Variants in CSMD1 observed in about 807,000 individuals in gnomAD.
The protein encoded by CSMD1 is CUB and sushi domain-containing protein 1.
Under a neutral mutation model 417.5 loss-of-function variants are expected in CSMD1, and 213 were observed. The ratio of observed to expected loss-of-function variants is 0.51; its 90% CI spans 0.46 to 0.57. CSMD1 has a LOEUF of 0.57. Among genes scored for constraint, CSMD1 ranks in the 20% least tolerant of loss-of-function variants. The pLI is 0.00. For missense variants in CSMD1, 6,923 were observed against 4,529.7 expected (o/e 1.53, Z -15.17); for synonymous variants, 2,862 against 1,736.8 (o/e 1.65, Z -16.11).
chr8:4,583,480 C>A (rs1028609945), intron 2 of CSMD1, among the ~76,000 whole-genome samples: 8 of 151,596 alleles, frequency 5.3e-5, no homozygotes, highest in Non-Finnish European at 2.9e-5. Context: ...CTTGGAGAAC[C>A]TTTATGTCTA....
chr8:4,620,441 A>G (rs1801710673), intron 2 of CSMD1, among the ~76,000 whole-genome samples: 2 of 151,650 alleles, frequency 1.3e-5, no homozygotes, highest in Admixed American at 1.3e-4. Context: ...TTTGCTAAAT[A>G]ATCATAGATA....
intron 1 of CSMD1, among the ~76,000 whole-genome samples, chr8:4,739,410 G>C (rs936376003): frequency 6.6e-6 from 1 of 152,096 alleles, no homozygotes; most frequent in African/African-American, 2.4e-5. Context: ...CCTTATATCT[G>C]ATACCTCCCA....
chr8:3,799,453 G>C (rs1385791952), intron 5 of CSMD1, among the ~76,000 whole-genome samples: 1 of 132,444 alleles, frequency 7.6e-6, no homozygotes, highest in East Asian at 2.3e-4. Flanking sequence ...GTGTCCAAGT[G>C]TTCTCACTGT....
intron 10 of CSMD1, among the ~76,000 whole-genome samples, chr8:3,567,907 A>G (rs1429345024): frequency 1.3e-5 from 2 of 152,038 alleles, no homozygotes; most frequent in South Asian, 4.2e-4. Context: ...TCCACACATC[A>G]TCACACACAT....
intron 5 of CSMD1, among the ~76,000 whole-genome samples, chr8:3,887,560 G>T (rs1176905629): frequency 1.3e-5 from 2 of 152,158 alleles, no homozygotes; most frequent in Non-Finnish European, 2.9e-5. Context: ...AATTAAATTA[G>T]AATTCCTGTA....
In CSMD1 at chr8:4,857,897, C is replaced by A. The variant is rs575992290; in HGVS notation, c.85+136435G>T. 2.6e-4 allele frequency among the ~76,000 whole-genome samples: 40 copies of A among 151,478 alleles called. No homozygotes were observed. The South Asian group carries it at 8.1e-3, about 31-fold the overall frequency. On this transcript the variant is annotated intron_variant, in intron 1 of 69. Transcript: ENST00000635120. ...CCAATCAATAGAAAAAGAGGGAATCCTCCCTAACTCATTTTATGAGGCCAG... is the reference window on the plus strand; with the variant it reads ...CCAATCAATAGAAAAAGAGGGAATCATCCCTAACTCATTTTATGAGGCCAG...
At chr8:2,997,853 G>A (rs1449866629) in intron 54 of CSMD1, among the ~76,000 whole-genome samples, 158 bp downstream of exon 54, 2 of 152,198 alleles carry the variant, frequency 1.3e-5, no homozygotes, top group Non-Finnish European at 2.9e-5. Flanking sequence ...GGAGAGCTTT[G>A]TGCTTACTCT....
Position 4,440,016 on chromosome 8 carries a change from C to A in CSMD1, c.303-19951G>T, listed in dbSNP as rs577592428. On this transcript the variant is annotated intron_variant, in intron 2 of 69. Coordinates refer to ENST00000635120, the MANE Select transcript of CSMD1 (RefSeq NM_033225.6). ...CATGGGGGGTATACACTTAATTTTCCTAAGAGTTAAGAAGCTTAATATATC... is the reference window on the plus strand; with the variant it reads ...CATGGGGGGTATACACTTAATTTTCATAAGAGTTAAGAAGCTTAATATATC... Among the ~76,000 whole-genome samples the A allele has an allele frequency of 3.3e-5, 5 of 152,208 alleles. No homozygotes were observed. In the South Asian group the frequency reaches 1.0e-3, roughly 32 times the overall value.
At chr8:4,437,416 T>C (rs539013206) in intron 2 of CSMD1, among the ~76,000 whole-genome samples, 7 of 152,332 alleles carry the variant, frequency 4.6e-5, no homozygotes, top group Admixed American at 3.9e-4. Context: ...GTGAGCCACA[T>C]TTTCTAGTCA....
chr8:4,795,873 G>T (rs1418466138), intron 1 of CSMD1, among the ~76,000 whole-genome samples: 1 of 152,106 alleles, frequency 6.6e-6, no homozygotes. Flanking sequence ...GAACCATGAG[G>T]TGTTGTTCTC....
chr8:4,801,225 G>A (rs17347911), intron 1 of CSMD1, among the ~76,000 whole-genome samples: 4 of 152,112 alleles, frequency 2.6e-5, no homozygotes, highest in Non-Finnish European at 4.4e-5. Context: ...TCTTATTGCG[G>A]CCACCTTGAG....
intron 18 of CSMD1, among the ~76,000 whole-genome samples, chr8:3,379,243 A>C (rs2116762210): frequency 6.6e-6 from 1 of 152,374 alleles, no homozygotes; most frequent in South Asian, 2.1e-4. Context: ...CAAGGAAATA[A>C]GAGAGGACAC....
chr8:4,814,196 TTGTGTG>T (rs35824182), intron 1 of CSMD1, among the ~76,000 whole-genome samples: 13 of 149,808 alleles, frequency 8.7e-5, no homozygotes, highest in African/African-American at 1.7e-4. Context: ...CAGAATGATT[TTGTGTG>T]TGTGTGTGTG....
intron 52 of CSMD1, among the ~76,000 whole-genome samples, chr8:3,012,740 A>T (rs1463258290): frequency 1.3e-5 from 2 of 152,142 alleles, no homozygotes; most frequent in African/African-American, 4.8e-5. Context: ...CACAAATGAA[A>T]GGGGATGTGG....
intron 5 of CSMD1, among the ~76,000 whole-genome samples, chr8:3,904,695 G>T (rs1234733528): frequency 7.0e-6 from 1 of 142,990 alleles, no homozygotes; most frequent in African/African-American, 2.7e-5. Flanking sequence ...GGACTGCAGT[G>T]GTGCTATCTC....
chr8:4,844,203 T>A (rs911916156), intron 1 of CSMD1, among the ~76,000 whole-genome samples: 10 of 152,196 alleles, frequency 6.6e-5, no homozygotes, highest in African/African-American at 2.4e-4. Flanking sequence ...AAGTGTTAGT[T>A]GTAGGCACCT....
chr8:3,273,118 T>C (rs964163112), intron 26 of CSMD1, among the ~76,000 whole-genome samples: 2 of 152,008 alleles, frequency 1.3e-5, no homozygotes, highest in Non-Finnish European at 2.9e-5. Context: ...CAATACCTTA[T>C]TTATTGAGAG....
At chr8:3,840,803 C>G (rs1803087046) in intron 5 of CSMD1, among the ~76,000 whole-genome samples, 1 of 151,072 alleles carries the variant, frequency 6.6e-6, no homozygotes. Flanking sequence ...TCAAGCAATT[C>G]TCCTGTCTCA....
At position 4,272,453 on chromosome 8, in the gene CSMD1, G is replaced by C. The variant is rs149620357; in HGVS notation, c.415+147500C>G. 2.6e-4 allele frequency among the ~76,000 whole-genome samples: 40 copies of C among 152,124 alleles called. No homozygotes were observed. The East Asian group carries it at 7.5e-3, about 29-fold the overall frequency. On this transcript the variant is annotated intron_variant, in intron 3 of 69. Transcript: ENST00000635120. ...ACATAGGAAAAACTATCTAAAACCAGGATTCTATGAGTATATAGGCACAGA... is the reference window on the plus strand; with the variant it reads ...ACATAGGAAAAACTATCTAAAACCACGATTCTATGAGTATATAGGCACAGA...
Sources: allele counts gnomAD v4.1 joint callset (sites outside exome capture counted in the v4.1 genomes callset), GRCh38; gene constraint gnomAD v4.1.1; transcripts MANE v1.5; gene names NCBI Gene and HGNC (gene_info 2026-07-23, HGNC 2026-07-21).